Variants in CNTLN observed in about 807,000 individuals in gnomAD.
CNTLN encodes the protein centlein, centrosomal protein.
In CNTLN, 212 loss-of-function variants were observed where a neutral mutation model predicts 180.0. That is an observed-to-expected ratio of 1.18 (90% CI 1.05 to 1.32). CNTLN has a LOEUF of 1.32. Ranked by LOEUF, CNTLN falls within the 40% of genes most tolerant of loss-of-function variation. The pLI is 0.00. For missense variants in CNTLN, 2,095 were observed against 1,610.9 expected (o/e 1.30, Z -5.14); for synonymous variants, 722 against 563.1 (o/e 1.28, Z -3.99).
chr9:17,239,478 A>G (rs1825359388), intron 5 of CNTLN, among the ~76,000 whole-genome samples: 1 of 152,020 alleles, frequency 6.6e-6, no homozygotes, highest in South Asian at 2.1e-4. Flanking sequence ...TTTCGATAAT[A>G]TTTTATTTAT....
chr9:17,433,034 A>G (rs905580659), intron 18 of CNTLN, among the ~76,000 whole-genome samples: 1 of 141,580 alleles, frequency 7.1e-6, no homozygotes, highest in Non-Finnish European at 1.5e-5. Flanking sequence ...AAAAAAAAAA[A>G]AAAACAAAGA....
chr9:17,460,581 G>A (rs1401045622), intron 19 of CNTLN, among the ~76,000 whole-genome samples: 1 of 151,664 alleles, frequency 6.6e-6, no homozygotes, highest in East Asian at 1.9e-4. Context: ...CTACCCATCT[G>A]ATAAAAATTT....
At position 17,436,131 on chromosome 9, in the gene CNTLN, C is replaced by G. The variant is rs76411866; in HGVS notation, c.3114+19942C>G. Among the ~76,000 whole-genome samples, 65 of 152,256 alleles carry G rather than the reference C, an allele frequency of 4.3e-4. 1 individual carries two copies. Among genetic ancestry groups the G allele is most frequent in the African/African-American group, 1.5e-3 (62 of 41,540 alleles). ...TATGCTTTACCTAATTTTGTATGTT[C>G]TATAGTGCCCACACCATAATTTGAT... On this transcript the variant is annotated intron_variant, in intron 18 of 25. Transcript: ENST00000380647.
intron 2 of CNTLN, among the ~76,000 whole-genome samples, chr9:17,211,725 T>C (rs948321279): frequency 4.6e-5 from 7 of 152,194 alleles, no homozygotes; most frequent in Admixed American, 1.3e-4. Context: ...TCCTCTTTTA[T>C]TTTTTTGAGC....
chr9:17,376,483 G>T (rs1471144911), intron 13 of CNTLN, among the ~76,000 whole-genome samples: 2 of 144,816 alleles, frequency 1.4e-5, no homozygotes, highest in South Asian at 4.3e-4. Context: ...ACGGAGTCTC[G>T]CTCTGTCCCT....
Position 17,417,681 on chromosome 9 carries a change from A to G in CNTLN, c.3114+1492A>G, listed in dbSNP as rs1057038315. Reference sequence around the variant, plus strand: ...CATTGAGAGTTTGAAAAGTAGTGGTATAGTTACTTCTTGGGAGTTCCTTAA... The same window carrying G: ...CATTGAGAGTTTGAAAAGTAGTGGTGTAGTTACTTCTTGGGAGTTCCTTAA... On this transcript the variant is annotated intron_variant, in intron 18 of 25. Transcript: ENST00000380647. 5.3e-5 allele frequency among the ~76,000 whole-genome samples: 8 copies of G among 152,214 alleles called. No homozygotes were observed. In the East Asian group the frequency reaches 1.5e-3, roughly 29 times the overall value.
intron 16 of CNTLN, among the ~76,000 whole-genome samples, chr9:17,412,119 T>A (rs1054231466): frequency 6.7e-5 from 10 of 149,710 alleles, no homozygotes; most frequent in Admixed American, 4.0e-4. Flanking sequence ...GCCTATTGGG[T>A]AGCCTGAAGT....
At chr9:17,426,241 A>C (rs1459608488) in intron 18 of CNTLN, among the ~76,000 whole-genome samples, 1 of 152,224 alleles carries the variant, frequency 6.6e-6, no homozygotes, top group Non-Finnish European at 1.5e-5. Context: ...AGAAAAGAGA[A>C]GGACCCCAAA....
chr9:17,167,866 G>A (rs1239456152), intron 2 of CNTLN: 1 of 152,108 alleles, frequency 6.6e-6, no homozygotes, highest in Admixed American at 6.6e-5. Context: ...TGTAAACACT[G>A]GTCAGACGGC....
At chr9:17,414,569 G>A (rs990027924) in intron 16 of CNTLN, among the ~76,000 whole-genome samples, 4 of 151,914 alleles carry the variant, frequency 2.6e-5, no homozygotes, top group African/African-American at 7.3e-5. Context: ...CTTAAATGAA[G>A]CATTTCAAAA....
intron 24 of CNTLN, 134 bp downstream of exon 24, chr9:17,484,614 C>A: frequency 3.0e-6 from 2 of 669,568 alleles, no homozygotes; most frequent in Middle Eastern, 4.1e-4. Flanking sequence ...GTTAAAGTGC[C>A]AATGAAAGAT....
chr9:17,363,734 C>A (rs535586232), intron 12 of CNTLN, among the ~76,000 whole-genome samples: 1 of 152,118 alleles, frequency 6.6e-6, no homozygotes, highest in South Asian at 2.1e-4. Flanking sequence ...TATTTTAGCT[C>A]ATTCAGATAT....
At chr9:17,473,710 C>A (rs1832165539) in intron 23 of CNTLN, among the ~76,000 whole-genome samples, 1 of 152,022 alleles carries the variant, frequency 6.6e-6, no homozygotes, top group Non-Finnish European at 1.5e-5. Context: ...GATACCTATT[C>A]TCTACCCACT....
chr9:17,523,231 C>T, the CNTLN span, among the ~76,000 whole-genome samples: 259 of 152,128 alleles, frequency 1.7e-3, 1 homozygote, highest in African/African-American at 5.9e-3. Context: ...TTCTGATGGA[C>T]TTATACATAC....
Position 17,301,169 on chromosome 9 carries a change from G to A in CNTLN, c.1146+2817G>A, listed in dbSNP as rs567980083. ...TAATTTCTGATAACTTTTCCAAATGGACTCTAGTTCAAACCAGAAATTCCC... is the reference window on the plus strand; with the variant it reads ...TAATTTCTGATAACTTTTCCAAATGAACTCTAGTTCAAACCAGAAATTCCC... On this transcript the variant is annotated intron_variant, in intron 7 of 25. Coordinates refer to ENST00000380647, the MANE Select transcript of CNTLN (RefSeq NM_017738.4). 1.3e-3 allele frequency: 1,276 copies of A among 985,310 alleles called. 1 individual carries two copies. Among genetic ancestry groups the A allele is most frequent in the Non-Finnish European group, 1.4e-3 (1,188 of 829,882 alleles). 61.0% of individuals were successfully genotyped at this position (985,310 alleles called of 1,614,324 possible). A position where few individuals can be genotyped will look rare whatever the true frequency, so the allele number is the denominator to read the frequency against.
Position 17,142,938 on chromosome 9 carries a change from C to T in CNTLN, c.361-350C>T, listed in dbSNP as rs186210201. 5.5e-3 allele frequency among the ~76,000 whole-genome samples: 834 copies of T among 152,178 alleles called. 6 individuals are homozygous for T. The highest frequency in any genetic ancestry group is 8.1e-3 in the Admixed American group (124 of 15,278). On this transcript the variant is annotated intron_variant, in intron 1 of 25. Coordinates refer to ENST00000380647, the MANE Select transcript of CNTLN (RefSeq NM_017738.4). ...TATAGAGTGAATGGGAGATAGGAAA[C>T]AGACATAGTAATTACAGGCAACTCT...
At chr9:17,175,544 T>C (rs1340185931) in intron 2 of CNTLN, among the ~76,000 whole-genome samples, 5 of 152,222 alleles carry the variant, frequency 3.3e-5, no homozygotes, top group South Asian at 4.1e-4. Context: ...TTGATTACTA[T>C]AGCTATATAA....
At chr9:17,144,266 T>C (rs1423856648) in intron 2 of CNTLN, among the ~76,000 whole-genome samples, 1 of 152,220 alleles carries the variant, frequency 6.6e-6, no homozygotes, top group Non-Finnish European at 1.5e-5. Context: ...CTTAAAATAG[T>C]ATAATCAGTT....
intron 13 of CNTLN, among the ~76,000 whole-genome samples, chr9:17,376,634 G>C (rs928696664): frequency 3.3e-5 from 5 of 151,868 alleles, no homozygotes; most frequent in African/African-American, 1.2e-4. Context: ...TGTATTTTTA[G>C]TAGAGACGGG....
Sources: allele counts gnomAD v4.1 joint callset (sites outside exome capture counted in the v4.1 genomes callset), GRCh38; gene constraint gnomAD v4.1.1; transcripts MANE v1.5; gene names NCBI Gene and HGNC (gene_info 2026-07-23, HGNC 2026-07-21).